Variants in PDLIM2 observed in about 807,000 individuals in gnomAD.
PDLIM2 encodes PDZ and LIM domain protein 2.
In PDLIM2, 51 loss-of-function variants were observed where a neutral mutation model predicts 54.1. That is an observed-to-expected ratio of 0.94 (90% CI 0.75 to 1.19). The LOEUF (loss-of-function observed/expected upper bound fraction) is 1.19. PDLIM2 is among the 50% of genes most tolerant of loss of function. The probability of loss-of-function intolerance (pLI) is 0.00; values close to 1 mark genes in which losing one functional copy is unlikely to be tolerated. For missense variants in PDLIM2, 912 were observed against 874.0 expected (o/e 1.04, Z -0.55); for synonymous variants, 398 against 385.6 (o/e 1.03, Z -0.38).
downstream of PDLIM2, chr8:22,594,820 T>TG: frequency 9.3e-7 from 1 of 1,078,722 alleles, no homozygotes; most frequent in Admixed American, 3.2e-5. Context: ...GCCCAGGTAC[T>TG]GGGGAGGCCT....
At chr8:22,585,915 C>A (rs956553493) in intron 6 of PDLIM2, among the ~76,000 whole-genome samples, 2 of 151,714 alleles carry the variant, frequency 1.3e-5, no homozygotes, top group African/African-American at 4.8e-5. Context: ...TCCTCCTCCC[C>A]CTACCCCCGC....
downstream of PDLIM2, chr8:22,595,100 T>G (rs1392922261): frequency 6.4e-6 from 1 of 156,632 alleles, no homozygotes; most frequent in Non-Finnish European, 1.4e-5. Context: ...GGGGGCAGCC[T>G]CAGCTCTCTT....
chr8:22,590,074 C>T (rs953045077), intron 8 of PDLIM2: 2 of 326,514 alleles, frequency 6.1e-6, no homozygotes, highest in African/African-American at 2.1e-5. Flanking sequence ...TTTGACTTGG[C>T]CTCTTGGCCT....
At chr8:22,580,594 C>G in intron 1 of PDLIM2, 1 of 1,614,042 alleles carries the variant, frequency 6.2e-7, no homozygotes, top group Non-Finnish European at 8.5e-7. Flanking sequence ...CTGGTCCTCT[C>G]TTCCTCAGGT....
At chr8:22,596,917 G>C (rs1001571505), downstream of PDLIM2, 5 of 152,240 alleles carry the variant, frequency 3.3e-5, no homozygotes, top group Non-Finnish European at 7.3e-5. Context: ...GTAAGGAATG[G>C]ATCTACAGCC....
chr8:22,590,012 T>C (rs1586927718), intron 8 of PDLIM2: 1 of 450,982 alleles, frequency 2.2e-6, no homozygotes, highest in East Asian at 4.1e-5. Flanking sequence ...ATAAAAGCGG[T>C]GGCAGGGCCT....
intron 9 of PDLIM2, chr8:22,592,304 A>T (rs1319593415): frequency 3.3e-5 from 5 of 150,370 alleles, no homozygotes; most frequent in African/African-American, 9.8e-5. Flanking sequence ...CTGGTCTCAA[A>T]CTCTTGACCT....
chr8:22,588,887 A>C, intron 6 of PDLIM2: 2 of 258,450 alleles, frequency 7.7e-6, no homozygotes, highest in Non-Finnish European at 1.5e-5. Flanking sequence ...CCTCAGTGCA[A>C]AAGGGCAGCG....
intron 1 of PDLIM2, chr8:22,579,878 G>A: frequency 4.1e-6 from 1 of 246,060 alleles, no homozygotes; most frequent in Non-Finnish European, 7.8e-6. Context: ...CTGTCGGGCA[G>A]CATCAGGAAT....
intron 6 of PDLIM2, chr8:22,588,643 G>C (rs1055141300): frequency 1.3e-5 from 2 of 152,624 alleles, no homozygotes; most frequent in African/African-American, 2.4e-5. Flanking sequence ...AGATGGACAC[G>C]GCACACCTGG....
At chr8:22,594,864 T>G, downstream of PDLIM2, 2 of 573,780 alleles carry the variant, frequency 3.5e-6, no homozygotes, top group Non-Finnish European at 5.8e-6. Flanking sequence ...AGGCCGAGGC[T>G]GCCTTAAGCT....
intron 3 of PDLIM2, among the ~76,000 whole-genome samples, chr8:22,582,153 A>C (rs1051235854): frequency 3.3e-5 from 5 of 152,154 alleles, no homozygotes; most frequent in Admixed American, 3.3e-4. Flanking sequence ...TGAGTCACAG[A>C]TCGGGAATGC....
exon 10 of PDLIM2, chr8:22,594,043 C>T: frequency 2.1e-6 from 3 of 1,451,112 alleles, no homozygotes; most frequent in Non-Finnish European, 2.7e-6. Flanking sequence ...TTTGTCCTCG[C>T]TGGGTGGGCC....
intron 3 of PDLIM2, among the ~76,000 whole-genome samples, chr8:22,584,453 C>T (rs1800311470): frequency 6.6e-6 from 1 of 152,112 alleles, no homozygotes; most frequent in Admixed American, 6.5e-5. Context: ...GGACTACCGG[C>T]ATGCACCACC....
chr8:22,589,997 G>A (rs573320319), intron 8 of PDLIM2: 52 of 510,374 alleles, frequency 1.0e-4, no homozygotes, highest in Admixed American at 5.4e-4. Flanking sequence ...AGTGTCATTC[G>A]AGTGATAAAA....
At chr8:22,596,421 C>T (rs1800685291), downstream of PDLIM2, 1 of 152,238 alleles carries the variant, frequency 6.6e-6, no homozygotes, top group Non-Finnish European at 1.5e-5. Flanking sequence ...ATCAGCCCGG[C>T]TCGGGAGCAA....
intron 6 of PDLIM2, chr8:22,588,608 T>G (rs1431856454): frequency 6.6e-6 from 1 of 152,318 alleles, no homozygotes; most frequent in Non-Finnish European, 1.5e-5. Flanking sequence ...GAGATTTCCA[T>G]GTTGGGAGCA....
chr8:22,581,859 G>A (rs1022742988), intron 3 of PDLIM2, among the ~76,000 whole-genome samples: 3 of 152,252 alleles, frequency 2.0e-5, no homozygotes, highest in Non-Finnish European at 4.4e-5. Flanking sequence ...GGCATGAAGT[G>A]GGTTGAAGAG....
At chr8:22,594,572 G>A (rs1326536617), downstream of PDLIM2, 1 of 1,614,130 alleles carries the variant, frequency 6.2e-7, no homozygotes, top group African/African-American at 1.3e-5. Context: ...GTCACTGGAA[G>A]CTTTGGAGGG....
Sources: allele counts gnomAD v4.1 joint callset (sites outside exome capture counted in the v4.1 genomes callset), GRCh38; gene constraint gnomAD v4.1.1; transcripts MANE v1.5; gene names NCBI Gene and HGNC (gene_info 2026-07-23, HGNC 2026-07-21).